CTNNBL1: variants seen among roughly 807,000 people sequenced by gnomAD.
CTNNBL1 encodes catenin beta like 1, also known as beta-catenin-like protein 1.
In CTNNBL1, 31 loss-of-function variants were observed where a neutral mutation model predicts 72.7. That is an observed-to-expected ratio of 0.43 (90% confidence interval 0.32 to 0.58). The LOEUF (loss-of-function observed/expected upper bound fraction) is 0.58. CTNNBL1 is among the 20% of genes least tolerant of loss of function. CTNNBL1 has a pLI of 0.08. For missense variants in CTNNBL1, 534 were observed against 725.1 expected (o/e 0.74, Z 3.03); for synonymous variants, 240 against 267.3 (o/e 0.90, Z 1.00).
In CTNNBL1 at chr20:37,840,204, GT is replaced by G; in HGVS notation, c.1311+6del. On this transcript the variant is annotated splice_donor_region_variant and intron_variant, in intron 12 of 15. Coordinates refer to ENST00000361383, the MANE Select transcript of CTNNBL1 (RefSeq NM_030877.5). ...ACTGAAAATGACAGTGAGAAGGTGG[GT>G]GACTGTTGGACTGTAAAGCTGGGAC... 1 of 1,599,784 alleles carries G rather than the reference GT, an allele frequency of 6.3e-7. No homozygotes were observed. The highest frequency in any genetic ancestry group is 8.6e-7 in the Non-Finnish European group (1 of 1,167,642).
At chr20:37,730,003 G>C (rs1443871151) in intron 1 of CTNNBL1, among the ~76,000 whole-genome samples, 1 of 152,156 alleles carries the variant, frequency 6.6e-6, no homozygotes, top group African/African-American at 2.4e-5. Context: ...AAAAATAGCA[G>C]GTGGTACCCT....
At chr20:37,779,842 A>T (rs1457363879) in intron 10 of CTNNBL1, among the ~76,000 whole-genome samples, 1 of 152,146 alleles carries the variant, frequency 6.6e-6, no homozygotes, top group Non-Finnish European at 1.5e-5. Context: ...AGAAACTTTT[A>T]TTTATAGTAC....
intron 11 of CTNNBL1, among the ~76,000 whole-genome samples, chr20:37,821,622 T>A (rs533818715): frequency 6.6e-6 from 1 of 152,238 alleles, no homozygotes; most frequent in African/African-American, 2.4e-5. Flanking sequence ...ATGACTGATA[T>A]GAGCAAGAGC....
At chr20:37,757,958 A>G (rs954516727) in intron 5 of CTNNBL1, among the ~76,000 whole-genome samples, 3 of 152,196 alleles carry the variant, frequency 2.0e-5, no homozygotes, top group Non-Finnish European at 4.4e-5. Flanking sequence ...ATTTACAGCC[A>G]TGAAGCTGTG....
chr20:37,765,322 T>C, intron 6 of CTNNBL1, 32 bp downstream of exon 6: 2 of 1,375,116 alleles, frequency 1.5e-6, no homozygotes. Flanking sequence ...ATTGCCTGAG[T>C]TGCTTTGTGT....
At chr20:37,763,176 A>T (rs1041496775) in intron 5 of CTNNBL1, among the ~76,000 whole-genome samples, 1 of 152,240 alleles carries the variant, frequency 6.6e-6, no homozygotes, top group Non-Finnish European at 1.5e-5. Context: ...AGGGTGATTT[A>T]GGGAAAAACA....
chr20:37,706,533 TG>T (rs2072886870), intron 1 of CTNNBL1, among the ~76,000 whole-genome samples: 1 of 152,232 alleles, frequency 6.6e-6, no homozygotes. Context: ...ATCATGAGAT[TG>T]CAGCAATTCA....
At chr20:37,748,472 G>A (rs1435555668) in intron 4 of CTNNBL1, among the ~76,000 whole-genome samples, 1 of 152,202 alleles carries the variant, frequency 6.6e-6, no homozygotes, top group Non-Finnish European at 1.5e-5. Flanking sequence ...TAGAGCTGCT[G>A]TGAGTGCTCA....
intron 11 of CTNNBL1, among the ~76,000 whole-genome samples, chr20:37,838,187 T>C (rs2072271602): frequency 6.6e-6 from 1 of 152,140 alleles, no homozygotes; most frequent in Non-Finnish European, 1.5e-5. Flanking sequence ...CAGCATTTAG[T>C]CTGAGTTGGG....
At chr20:37,794,434 A>C (rs2073752911) in intron 10 of CTNNBL1, among the ~76,000 whole-genome samples, 1 of 152,146 alleles carries the variant, frequency 6.6e-6, no homozygotes, top group African/African-American at 2.4e-5. Context: ...CCTGGGCCTC[A>C]GCCTCCTGAG....
intron 10 of CTNNBL1, among the ~76,000 whole-genome samples, chr20:37,784,453 TG>T (rs1245977356): frequency 6.6e-6 from 1 of 152,220 alleles, no homozygotes; most frequent in Non-Finnish European, 1.5e-5. Flanking sequence ...TTTTCTCATA[TG>T]GTATGTTTTA....
intron 1 of CTNNBL1, among the ~76,000 whole-genome samples, chr20:37,706,284 A>G (rs1466267799): frequency 6.6e-6 from 1 of 152,180 alleles, no homozygotes; most frequent in Non-Finnish European, 1.5e-5. Flanking sequence ...TCCTTTCATG[A>G]AAGATTTCTC....
intron 2 of CTNNBL1, among the ~76,000 whole-genome samples, chr20:37,737,026 A>G (rs2073177369): frequency 1.3e-5 from 2 of 152,114 alleles, no homozygotes; most frequent in South Asian, 4.1e-4. Flanking sequence ...GATCGAGACC[A>G]TCCTGGCTAA....
chr20:37,760,093 T>C (rs2073401878), intron 5 of CTNNBL1, among the ~76,000 whole-genome samples: 2 of 152,216 alleles, frequency 1.3e-5, no homozygotes, highest in South Asian at 4.1e-4. Flanking sequence ...ATTTGGTTCA[T>C]ATCCACTGCT....
chr20:37,855,725 C>T (rs544575950), intron 13 of CTNNBL1, among the ~76,000 whole-genome samples: 1 of 152,352 alleles, frequency 6.6e-6, no homozygotes, highest in East Asian at 1.9e-4. Flanking sequence ...CATTTTCCTG[C>T]ACAGTGCTGG....
At chr20:37,871,892 G>A (rs180814933) in intron 15 of CTNNBL1, 33 bp from the exon 16 acceptor site, 18 of 1,559,948 alleles carry the variant, frequency 1.2e-5, no homozygotes, top group African/African-American at 5.4e-5. Context: ...CCATGCCTGG[G>A]ATCCACTCCT....
intron 10 of CTNNBL1, among the ~76,000 whole-genome samples, chr20:37,784,916 A>G (rs2035974777): frequency 6.6e-6 from 1 of 152,070 alleles, no homozygotes; most frequent in African/African-American, 2.4e-5. Context: ...TTCTTGTAGG[A>G]TGGGTCTGGT....
intron 10 of CTNNBL1, among the ~76,000 whole-genome samples, chr20:37,795,805 T>C (rs181294880): frequency 5.9e-5 from 9 of 152,354 alleles, no homozygotes; most frequent in African/African-American, 2.2e-4. Flanking sequence ...ACTGATGATT[T>C]TTTTTCTCCT....
intron 11 of CTNNBL1, among the ~76,000 whole-genome samples, chr20:37,836,684 T>C (rs1281787324): frequency 2.6e-5 from 4 of 152,176 alleles, no homozygotes; most frequent in African/African-American, 9.7e-5. Context: ...GGAGGGTGTG[T>C]TGTTTGTTTA....
Sources: gnomAD v4.1 joint callset for allele counts (sites outside exome capture counted in the v4.1 genomes callset) on GRCh38, gnomAD v4.1.1 for gene constraint, MANE v1.5 for transcripts, NCBI Gene and HGNC (gene_info 2026-07-23, HGNC 2026-07-21) for gene names.